WWOX: variants seen among roughly 807,000 people sequenced by gnomAD.
WWOX encodes the protein WW domain containing oxidoreductase, also known as WW domain-containing oxidoreductase.
A neutral mutation model predicts 46.2 loss-of-function variants in WWOX; 69 were observed. That is an observed-to-expected ratio of 1.49 (90% CI 1.23 to 1.82). The LOEUF (loss-of-function observed/expected upper bound fraction) is 1.82, where lower values mean the gene tolerates loss of function less well. Ranked by LOEUF, WWOX falls within the 40% of genes most tolerant of loss-of-function variation. WWOX has a pLI of 0.00. For missense variants in WWOX, 919 were observed against 542.6 expected (o/e 1.69, Z -6.89); for synonymous variants, 359 against 202.6 (o/e 1.77, Z -6.56).
intron 8 of WWOX, among the ~76,000 whole-genome samples, chr16:78,460,161 T>A (rs2083916892): frequency 6.9e-6 from 1 of 145,950 alleles, no homozygotes; most frequent in African/African-American, 2.5e-5. Flanking sequence ...AGAGTCTCGC[T>A]CTTTTCCCCA....
At chr16:79,035,621 C>T (rs1050890785) in intron 8 of WWOX, among the ~76,000 whole-genome samples, 3 of 152,210 alleles carry the variant, frequency 2.0e-5, no homozygotes, top group African/African-American at 7.2e-5. Flanking sequence ...CTCACTGCAA[C>T]CTCGTCTCCC....
intron 8 of WWOX, among the ~76,000 whole-genome samples, chr16:78,484,921 G>A (rs139501064): frequency 6.7e-4 from 102 of 152,164 alleles, no homozygotes; most frequent in Non-Finnish European, 1.2e-3. Context: ...CTGGTTTTCC[G>A]GGCTGTTTGT....
At chr16:79,005,159 TG>T (rs369076554) in intron 8 of WWOX, among the ~76,000 whole-genome samples, 19 of 152,284 alleles carry the variant, frequency 1.2e-4, no homozygotes, top group African/African-American at 4.3e-4. Context: ...CTCTTTTGCT[TG>T]CCTTGTGCTT....
chr16:78,555,802 G>A (rs541748802), intron 8 of WWOX, among the ~76,000 whole-genome samples: 1 of 152,156 alleles, frequency 6.6e-6, no homozygotes, highest in East Asian at 1.9e-4. Flanking sequence ...AATGCCAGAG[G>A]AGGACTCTTC....
At chr16:78,394,430 CTG>C (rs2082243427) in intron 6 of WWOX, among the ~76,000 whole-genome samples, 2 of 143,802 alleles carry the variant, frequency 1.4e-5, no homozygotes, top group African/African-American at 2.6e-5. Context: ...AAAAAGCACA[CTG>C]TGAAATACTT....
At position 78,386,426 on chromosome 16, in the gene WWOX, C is replaced by T. The variant is rs372683883; in HGVS notation, c.517-434C>T. On this transcript the variant is annotated intron_variant, in intron 5 of 8. Coordinates refer to ENST00000566780, the MANE Select transcript of WWOX (RefSeq NM_016373.4). The stretch of plus-strand genomic sequence containing the variant: ...AAGGAGTTGTCTTTGATTTTTGATG[C>T]AGGTTTAATGGAGATATTTCAGAAC... 1.1e-4 allele frequency among the ~76,000 whole-genome samples: 16 copies of T among 152,220 alleles called. No homozygotes were observed. The East Asian group carries it at 1.9e-3, about 18-fold the overall frequency.
intron 8 of WWOX, among the ~76,000 whole-genome samples, chr16:78,677,750 G>C (rs971487272): frequency 2.0e-5 from 3 of 152,192 alleles, no homozygotes; most frequent in Non-Finnish European, 4.4e-5. Context: ...GATATGTCCA[G>C]AAAACACTAG....
At chr16:78,834,487 A>G (rs1231466706) in intron 8 of WWOX, among the ~76,000 whole-genome samples, 1 of 152,174 alleles carries the variant, frequency 6.6e-6, no homozygotes, top group Non-Finnish European at 1.5e-5. Context: ...ATCCAAAGAA[A>G]CATAGTAAGT....
chr16:78,470,824 C>G (rs958030719), intron 8 of WWOX, among the ~76,000 whole-genome samples: 2 of 151,916 alleles, frequency 1.3e-5, no homozygotes, highest in African/African-American at 2.4e-5. Context: ...TCACCATGCC[C>G]GACCAGCAAG....
At chr16:79,135,567 T>C (rs1237066641) in intron 8 of WWOX, among the ~76,000 whole-genome samples, 1 of 152,242 alleles carries the variant, frequency 6.6e-6, no homozygotes, top group Admixed American at 6.5e-5. Context: ...CTTTGACATA[T>C]ACATCAATAG....
At chr16:78,616,909 G>A (rs79023866) in intron 8 of WWOX, among the ~76,000 whole-genome samples, 4,372 of 152,182 alleles carry the variant, frequency 0.029, 226 homozygotes, top group African/African-American at 0.1. Flanking sequence ...AAATTTTGGG[G>A]GGACACATTC....
At chr16:78,731,739 A>C (rs895817910) in intron 8 of WWOX, among the ~76,000 whole-genome samples, 1 of 152,046 alleles carries the variant, frequency 6.6e-6, no homozygotes, top group Non-Finnish European at 1.5e-5. Flanking sequence ...CAGGGTGCAG[A>C]CTGGGCAGTA....
chr16:79,094,337 T>G (rs1487703736), intron 8 of WWOX, among the ~76,000 whole-genome samples: 2 of 149,124 alleles, frequency 1.3e-5, no homozygotes, highest in Non-Finnish European at 3.0e-5. Flanking sequence ...CGCTGCAAAC[T>G]CCAACTGGTT....
In WWOX at chr16:78,306,057, C is replaced by T. The variant is rs1049737250; in HGVS notation, c.517-80803C>T. On this transcript the variant is annotated intron_variant, in intron 5 of 8. Coordinates refer to ENST00000566780, the MANE Select transcript of WWOX (RefSeq NM_016373.4). ...TTCGAGCTGTGTTTATATATAGACA[C>T]CTGCCCACAGAGACCATGTGGAGAA... Among the ~76,000 whole-genome samples the T allele has an allele frequency of 2.0e-5, 3 of 152,116 alleles. No individual in the cohort carries two copies. In the South Asian group the frequency reaches 6.2e-4, roughly 32 times the overall value.
intron 8 of WWOX, among the ~76,000 whole-genome samples, chr16:79,094,501 C>T (rs2049029715): frequency 6.6e-6 from 1 of 152,196 alleles, no homozygotes; most frequent in Non-Finnish European, 1.5e-5. Flanking sequence ...GTCTGCCCAC[C>T]TCGGCCTCCC....
At position 78,559,349 on chromosome 16, in the gene WWOX, A is replaced by C. The variant is rs534642314; in HGVS notation, c.1056+126597A>C. ...GTGGGCTCCTAGAATAGTCCCGGCA[A>C]GAGATCATGGAGGCCAGAGCCAGGG... On this transcript the variant is annotated intron_variant, in intron 8 of 8. Coordinates refer to ENST00000566780, the MANE Select transcript of WWOX (RefSeq NM_016373.4). Among the ~76,000 whole-genome samples, 196 of 152,302 alleles carry C rather than the reference A, an allele frequency of 1.3e-3. 1 individual carries two copies. Among genetic ancestry groups the C allele is most frequent in the African/African-American group, 4.5e-3 (189 of 41,558 alleles).
At chr16:79,024,300 G>A (rs572973307) in intron 8 of WWOX, among the ~76,000 whole-genome samples, 21 of 152,300 alleles carry the variant, frequency 1.4e-4, no homozygotes, top group Non-Finnish European at 2.4e-4. Flanking sequence ...ACGCTGCTGC[G>A]TAGGTTGTGG....
chr16:79,110,289 C>T (rs556354635), intron 8 of WWOX, among the ~76,000 whole-genome samples: 100 of 152,214 alleles, frequency 6.6e-4, no homozygotes, highest in African/African-American at 2.2e-3. Context: ...CCTACTTCCC[C>T]GCCACCTCTT....
intron 4 of WWOX, among the ~76,000 whole-genome samples, chr16:78,159,034 CCTT>C (rs1305637694): frequency 1.3e-5 from 2 of 152,024 alleles, no homozygotes; most frequent in Non-Finnish European, 2.9e-5. Context: ...TAGTATTTGT[CCTT>C]CTGTGTCTGG....
Sources: gnomAD v4.1 joint callset for allele counts (sites outside exome capture counted in the v4.1 genomes callset) on GRCh38, gnomAD v4.1.1 for gene constraint, MANE v1.5 for transcripts, NCBI Gene and HGNC (gene_info 2026-07-23, HGNC 2026-07-21) for gene names.